DGAT2L6: variants seen among roughly 807,000 people sequenced by gnomAD.
DGAT2L6 encodes diacylglycerol O-acyltransferase 2-like protein 6.
DGAT2L6 carries 22 observed loss-of-function variants against 25.5 expected under a neutral mutation model. The ratio of observed to expected loss-of-function variants is 0.86; its 90% CI spans 0.62 to 1.23. The LOEUF is 1.23. DGAT2L6 is among the 50% of genes most tolerant of loss of function. The pLI is 0.00. For synonymous variants in DGAT2L6, 100 were observed against 94.7 expected (o/e 1.06, Z -0.32); for missense variants, 287 against 253.2 (o/e 1.13, Z -0.91).
chrX:70,187,988 A>G (rs1227333506), intron 1 of DGAT2L6, among the ~76,000 whole-genome samples: 3 of 111,891 alleles, frequency 2.7e-5, no homozygotes, highest in African/African-American at 9.8e-5. Context: ...CATCCACAAA[A>G]TGATAATGAT....
intron 1 of DGAT2L6, among the ~76,000 whole-genome samples, chrX:70,193,946 A>G: frequency 8.9e-6 from 1 of 112,315 alleles, no homozygotes; most frequent in Admixed American, 9.4e-5. Context: ...TTGGAAAGAA[A>G]AAAGTTAAAT....
At chrX:70,202,668 C>G (rs754902272) in intron 5 of DGAT2L6, among the ~76,000 whole-genome samples, 2 of 111,691 alleles carry the variant, frequency 1.8e-5, no homozygotes, top group Admixed American at 9.5e-5. Context: ...GCTACCACCC[C>G]TTGGTTTACT....
At chrX:70,195,628 CAT>C (rs1468753051) in intron 1 of DGAT2L6, among the ~76,000 whole-genome samples, 1 of 111,817 alleles carries the variant, frequency 8.9e-6, no homozygotes, top group Non-Finnish European at 1.9e-5. Context: ...TGTGGTGTCA[CAT>C]GTTTGTAATC....
At chrX:70,185,967 AAACATGAAACAT>A (rs1449383246) in intron 1 of DGAT2L6, among the ~76,000 whole-genome samples, 6 of 110,370 alleles carry the variant, frequency 5.4e-5, no homozygotes, top group Non-Finnish European at 9.5e-5. Flanking sequence ...CATTGCCCCG[AAACATGAAACAT>A]AATGTTTTCA....
chrX:70,191,111 A>G (rs148786670), intron 1 of DGAT2L6, among the ~76,000 whole-genome samples: 1,331 of 112,328 alleles, frequency 0.012, 30 homozygotes, highest in African/African-American at 0.041. Context: ...TACAAATAAC[A>G]AATAATCCAG....
chrX:70,178,751 C>T (rs1360396146), intron 1 of DGAT2L6, among the ~76,000 whole-genome samples: 1 of 111,904 alleles, frequency 8.9e-6, no homozygotes, highest in Admixed American at 9.5e-5. Context: ...AATAAAACTG[C>T]CTCTTTCTTT....
intron 1 of DGAT2L6, among the ~76,000 whole-genome samples, chrX:70,179,584 T>TTTTTG (rs869150743): frequency 1.2e-5 from 1 of 84,310 alleles, no homozygotes; most frequent in Non-Finnish European, 2.2e-5. Context: ...TTTTTTTTTT[T>TTTTTG]GAGATGGAGT....
rs1244665014 is a variant in DGAT2L6, at chrX:70,177,630, C to A, written c.48C>A (p.Phe16Leu). Residue 16 changes from phenylalanine (F) to leucine (L), a missense_variant, in exon 1 of 7, where the codon TTC (phenylalanine) becomes TTA (leucine). Coordinates refer to ENST00000333026, the MANE Select transcript of DGAT2L6 (RefSeq NM_198512.3). ...RLNLQEGLQTFFVLQWIPVYI... is the reference protein window; with the variant it reads ...RLNLQEGLQTLFVLQWIPVYI... ...ATCTCCAGGAGGGCCTCCAAACCTT[C>A]TTTGTTTTGCAATGGATCCCAGTCT... is the stretch of plus-strand genomic sequence containing the variant. 3 of 1,210,703 alleles carry A rather than the reference C, an allele frequency of 2.5e-6. No homozygotes were observed. In the Admixed American group the frequency reaches 6.5e-5, roughly 26 times the overall value.
intron 6 of DGAT2L6, 80 bp downstream of exon 6, chrX:70,204,596 G>A (rs1214464593): frequency 1.8e-6 from 2 of 1,091,278 alleles, no homozygotes; most frequent in Admixed American, 4.8e-5. Context: ...AAGTCCAGGG[G>A]GACCCAACTC....
chrX:70,189,120 G>C (rs1442451476), intron 1 of DGAT2L6, among the ~76,000 whole-genome samples: 3 of 110,391 alleles, frequency 2.7e-5, no homozygotes, highest in African/African-American at 9.9e-5. Context: ...CCTAGCAAAT[G>C]CAATATGGCA....
chrX:70,177,965 G>GA (rs372405174), intron 1 of DGAT2L6, among the ~76,000 whole-genome samples: 8,118 of 98,629 alleles, frequency 0.082, 455 homozygotes, highest in South Asian at 0.2. Context: ...CGTCTCTACT[G>GA]AAAAAAAAAA....
intron 1 of DGAT2L6, among the ~76,000 whole-genome samples, chrX:70,188,976 C>CAAA (rs200306182): frequency 9.0e-4 from 38 of 42,298 alleles, no homozygotes; most frequent in African/African-American, 2.3e-3. Context: ...AGGGCATCTA[C>CAAA]AAAAAAAAAA....
chrX:70,185,878 GTT>G (rs34139264), intron 1 of DGAT2L6, among the ~76,000 whole-genome samples: 2 of 94,823 alleles, frequency 2.1e-5, no homozygotes, highest in African/African-American at 3.8e-5. Flanking sequence ...TTGTTTTTTT[GTT>G]TTTTTTTTTT....
At chrX:70,200,484 T>G (rs752798088) in intron 4 of DGAT2L6, 25 bp downstream of exon 4, 1 of 1,181,140 alleles carries the variant, frequency 8.5e-7, no homozygotes, top group East Asian at 3.0e-5. Flanking sequence ...TAATTAATTC[T>G]ATTTTTTTAC....
chrX:70,202,111 C>T (rs1569207087), intron 5 of DGAT2L6, 47 bp downstream of exon 5: 1 of 1,057,658 alleles, frequency 9.5e-7, no homozygotes, highest in African/African-American at 1.9e-5. Context: ...GCCATAGGCC[C>T]TCTGTAGCCC....
intron 1 of DGAT2L6, among the ~76,000 whole-genome samples, chrX:70,184,132 C>A (rs1337117015): frequency 8.9e-6 from 1 of 111,782 alleles, no homozygotes; most frequent in African/African-American, 3.3e-5. Flanking sequence ...CTGTTATTTT[C>A]TATGTGACCT....
chrX:70,203,912 G>A (rs1256742896), intron 5 of DGAT2L6, among the ~76,000 whole-genome samples: 4 of 110,458 alleles, frequency 3.6e-5, no homozygotes, highest in Admixed American at 9.7e-5. Context: ...CAAGGAAAGA[G>A]TGGGGAAAGG....
chrX:70,190,482 T>C lies in DGAT2L6; in HGVS notation c.86-8789T>C, dbSNP rs1281714798. Among the ~76,000 whole-genome samples the C allele has an allele frequency of 4.5e-5, 5 of 111,485 alleles. No homozygotes were observed. In the Admixed American group the frequency reaches 4.7e-4, roughly 11 times the overall value. The stretch of plus-strand genomic sequence containing the variant: ...GGCCCACACCCAGGCTTGTTGACTG[T>C]GGTGAAGGTTACAGACCTGGAAATA... On this transcript the variant is annotated intron_variant, in intron 1 of 6. Transcript: ENST00000333026.
At chrX:70,197,281 A>G (rs1369159359) in intron 1 of DGAT2L6, among the ~76,000 whole-genome samples, 1 of 111,659 alleles carries the variant, frequency 9.0e-6, no homozygotes, top group Non-Finnish European at 1.9e-5. Context: ...TTTGGCTTCT[A>G]TTTCTCCTAT....
Sources: allele counts gnomAD v4.1 joint callset (sites outside exome capture counted in the v4.1 genomes callset), GRCh38; gene constraint gnomAD v4.1.1; transcripts MANE v1.5; gene names NCBI Gene and HGNC (gene_info 2026-07-23, HGNC 2026-07-21).